ST8SIA5: variants seen among roughly 807,000 people sequenced by gnomAD.
The protein encoded by ST8SIA5 is ST8 alpha-N-acetyl-neuraminide alpha-2,8-sialyltransferase 5, also known as alpha-2,8-sialyltransferase 8E.
In ST8SIA5, 24 loss-of-function variants were observed where a neutral mutation model predicts 40.2. The observed-to-expected ratio is 0.60, with a 90% CI of 0.43 to 0.84. ST8SIA5 has a LOEUF of 0.84. Ranked by LOEUF, ST8SIA5 falls within the 40% of genes least tolerant of loss-of-function variation. The pLI, the probability that ST8SIA5 is intolerant of heterozygous loss-of-function variation, is 0.00. For synonymous variants in ST8SIA5, 198 were observed against 201.8 expected, an observed-to-expected ratio of 0.98 and a Z score of 0.16; for missense variants, 465 against 498.5, an observed-to-expected ratio of 0.93 and a Z score of 0.64.
chr18:46,684,738 A>G (rs748314574), intron 5 of ST8SIA5, among the ~76,000 whole-genome samples: 1 of 152,228 alleles, frequency 6.6e-6, no homozygotes, highest in Non-Finnish European at 1.5e-5. Context: ...TACTGTAAAC[A>G]GAAGTTCTCT....
chr18:46,693,648 C>G (rs569962330), intron 2 of ST8SIA5, among the ~76,000 whole-genome samples: 1 of 152,310 alleles, frequency 6.6e-6, no homozygotes, highest in South Asian at 2.1e-4. Flanking sequence ...TCCCCAGCTT[C>G]TAGAACAGTG....
intron 2 of ST8SIA5, 35 bp downstream of exon 2, chr18:46,704,537 T>G: frequency 3.9e-6 from 3 of 767,890 alleles, no homozygotes; most frequent in Non-Finnish European, 6.5e-6. Flanking sequence ...CACCTCCACA[T>G]GCTCCCTGCA....
chr18:46,747,371 C>G lies in ST8SIA5; in HGVS notation c.131+9007G>C, dbSNP rs1312779925. Among the ~76,000 whole-genome samples the G allele has an allele frequency of 2.0e-5, 3 of 151,976 alleles. No homozygotes were observed. In the East Asian group the frequency reaches 5.8e-4, roughly 29 times the overall value. ...TCTACAAAGAATTTAAACAAATTTA[C>G]AAGAAAAAAACAAACAACCCCACCT... On this transcript the variant is annotated intron_variant, in intron 1 of 6. Transcript: ENST00000315087.
In ST8SIA5 at chr18:46,717,949, G is replaced by A. The variant is rs149502442; in HGVS notation, c.132-13285C>T. Among the ~76,000 whole-genome samples, 206 of 152,300 alleles carry A rather than the reference G, an allele frequency of 1.4e-3. 3 individuals are homozygous for A. In the East Asian group the frequency reaches 0.033, roughly 24 times the overall value. ...TGCACAACAACTGTCTTACTGAGAC[G>A]ATGGAAGCACAAACACATGAGAAAT... is the stretch of plus-strand genomic sequence containing the variant. On this transcript the variant is annotated intron_variant, in intron 1 of 6. Coordinates refer to ENST00000315087, the MANE Select transcript of ST8SIA5 (RefSeq NM_013305.6).
chr18:46,718,233 GGGA>G (rs2039812870), intron 1 of ST8SIA5, among the ~76,000 whole-genome samples: 2 of 151,798 alleles, frequency 1.3e-5, no homozygotes, highest in South Asian at 2.1e-4. Flanking sequence ...AGTAGGCTGA[GGGA>G]GGAGAATTGC....
At chr18:46,718,883 C>T (rs374673084) in intron 1 of ST8SIA5, among the ~76,000 whole-genome samples, 50 of 152,248 alleles carry the variant, frequency 3.3e-4, no homozygotes, top group Non-Finnish European at 6.6e-4. Context: ...GTCGTGTCCT[C>T]GTTAGGTCCT....
chr18:46,714,561 G>A (rs1458897194), intron 1 of ST8SIA5, among the ~76,000 whole-genome samples: 1 of 152,160 alleles, frequency 6.6e-6, no homozygotes, highest in Non-Finnish European at 1.5e-5. Context: ...AGCTGATCCG[G>A]CCTCCTCAGT....
In ST8SIA5 at chr18:46,670,755, T is replaced by C. The variant is rs1336426528; in HGVS notation, c.*9287A>G. ...ACATATTTTCTTATCCTTAATGTAG[T>C]GTTTTTTTTTTTCCAAAGACAAGCT... On this transcript the variant is annotated 3_prime_UTR_variant, in exon 7 of 7. Coordinates refer to ENST00000315087, the MANE Select transcript of ST8SIA5 (RefSeq NM_013305.6). 1 of 149,700 alleles carries C rather than the reference T, an allele frequency of 6.7e-6. No homozygotes were observed. The allele number at this position is 149,700 out of a possible 1,614,324, so 9.3% of individuals were successfully genotyped here.
chr18:46,710,425 C>CTTTCTGTCTTTTTCTT (rs1439875801), intron 1 of ST8SIA5, among the ~76,000 whole-genome samples: 4 of 108,438 alleles, frequency 3.7e-5, no homozygotes, highest in African/African-American at 1.0e-4. Flanking sequence ...CTTTTTCTTT[C>CTTTCTGTCTTTTTCTT]TCTCTCTTTC....
At chr18:46,725,998 T>TATATCCTGG (rs1568271404) in intron 1 of ST8SIA5, among the ~76,000 whole-genome samples, 11 of 69,654 alleles carry the variant, frequency 1.6e-4, no homozygotes, top group African/African-American at 3.2e-4. Flanking sequence ...TATATATATA[T>TATATCCTGG]ATATATATAT....
intron 1 of ST8SIA5, among the ~76,000 whole-genome samples, chr18:46,753,094 CT>C (rs1234774777): frequency 6.6e-5 from 10 of 152,356 alleles, no homozygotes; most frequent in Admixed American, 2.0e-4. Flanking sequence ...CATCTGCCCT[CT>C]TCGTCCCTTC....
intron 1 of ST8SIA5, among the ~76,000 whole-genome samples, chr18:46,738,819 G>A (rs948734418): frequency 2.0e-5 from 3 of 152,078 alleles, no homozygotes; most frequent in South Asian, 2.1e-4. Context: ...GAGGGCCTTC[G>A]AATATACACA....
intron 2 of ST8SIA5, among the ~76,000 whole-genome samples, chr18:46,698,512 C>A (rs12606222): frequency 0.14 from 21,847 of 152,116 alleles, 1,829 homozygotes; most frequent in South Asian, 0.24. Context: ...AACACACCAA[C>A]AATCAAACCA....
At chr18:46,710,401 T>C (rs865844298) in intron 1 of ST8SIA5, among the ~76,000 whole-genome samples, 2 of 119,104 alleles carry the variant, frequency 1.7e-5, no homozygotes, top group South Asian at 2.9e-4. Flanking sequence ...CTTTCTTTCT[T>C]TCTTTCTTTC....
intron 1 of ST8SIA5, among the ~76,000 whole-genome samples, chr18:46,713,374 G>A (rs1169695573): frequency 6.6e-6 from 1 of 152,214 alleles, no homozygotes; most frequent in Non-Finnish European, 1.5e-5. Context: ...GGTTTGGGGT[G>A]TTGGGCCCTG....
chr18:46,728,136 A>T (rs570897506), intron 1 of ST8SIA5, among the ~76,000 whole-genome samples: 1 of 151,604 alleles, frequency 6.6e-6, no homozygotes, highest in South Asian at 2.1e-4. Flanking sequence ...CAGAGGTTGC[A>T]GTGAGCTGAG....
chr18:46,690,419 C>A (rs2039493245), intron 3 of ST8SIA5, among the ~76,000 whole-genome samples: 1 of 152,096 alleles, frequency 6.6e-6, no homozygotes, highest in Non-Finnish European at 1.5e-5. Flanking sequence ...TCACTTAGAG[C>A]ATGGCAAGGC....
rs918606798 is a variant in ST8SIA5 at position 46,677,845 on chromosome 18, G to T, written c.*2197C>A. 3.9e-5 allele frequency: 6 copies of T among 152,242 alleles called. No homozygotes were observed. Among genetic ancestry groups the T allele is most frequent in the Non-Finnish European group, 8.8e-5 (6 of 68,046 alleles). 9.4% of individuals were successfully genotyped at this position (152,242 alleles called of 1,614,324 possible). ...CTGGAACATAACTAGTACCCAGAGG[G>T]CTTCCAGTAGAGGGCTCTGTCCACA... On this transcript the variant is annotated 3_prime_UTR_variant, in exon 7 of 7. Coordinates refer to ENST00000315087, the MANE Select transcript of ST8SIA5 (RefSeq NM_013305.6).
rs1007509705 is a variant in ST8SIA5, at chr18:46,673,381, G to T, written c.*6661C>A. On this transcript the variant is annotated 3_prime_UTR_variant, in exon 7 of 7. Transcript: ENST00000315087. ...TGTATGTACAGAAAAGGCAGAAGTT[G>T]GGTTGTGTGCCAAATTCTTCTTTTC... The T allele has an allele frequency of 1.3e-5, 2 of 152,136 alleles. No individual in the cohort carries two copies. Among genetic ancestry groups the T allele is most frequent in the African/African-American group, 4.8e-5 (2 of 41,438 alleles). 9.4% of individuals were successfully genotyped at this position (152,136 alleles called of 1,614,324 possible). A position where few individuals can be genotyped will look rare whatever the true frequency, so the allele number is the denominator to read the frequency against.
Sources: allele counts gnomAD v4.1 joint callset (sites outside exome capture counted in the v4.1 genomes callset), GRCh38; gene constraint gnomAD v4.1.1; transcripts MANE v1.5; gene names NCBI Gene and HGNC (gene_info 2026-07-23, HGNC 2026-07-21).